The following PITPNM2 variants were observed in gnomAD, a reference collection of about 807,000 sequenced individuals.
PITPNM2 encodes the protein membrane-associated phosphatidylinositol transfer protein 2.
A neutral mutation model predicts 132.2 loss-of-function variants in PITPNM2; 35 were observed. The ratio of observed to expected loss-of-function variants is 0.26; its 90% confidence interval spans 0.20 to 0.35. PITPNM2 has a LOEUF of 0.35. PITPNM2 is among the 10% of genes least tolerant of loss of function. PITPNM2 has a pLI of 1.00. For synonymous variants in PITPNM2, 738 were observed against 799.2 expected, an observed-to-expected ratio of 0.92 and a Z score of 1.29; for missense variants, 1,332 against 1,912.0, an observed-to-expected ratio of 0.70 and a Z score of 5.66.
intron 8 of PITPNM2, among the ~76,000 whole-genome samples, chr12:123,002,298 T>C (rs2038727619): frequency 1.3e-5 from 2 of 152,204 alleles, no homozygotes; most frequent in Non-Finnish European, 2.9e-5. Context: ...ATTGCACCAC[T>C]GCAGTTCAGC....
At chr12:123,026,284 C>T (rs539907760) in intron 3 of PITPNM2, among the ~76,000 whole-genome samples, 3 of 152,184 alleles carry the variant, frequency 2.0e-5, no homozygotes, top group South Asian at 2.1e-4. Flanking sequence ...GGGTCTTTGC[C>T]GATGTAAATG....
intron 2 of PITPNM2, among the ~76,000 whole-genome samples, chr12:123,065,554 G>T (rs1227509727): frequency 6.6e-6 from 1 of 152,238 alleles, no homozygotes; most frequent in African/African-American, 2.4e-5. Flanking sequence ...AGCAGATTAT[G>T]TCTTTTTGAC....
At chr12:122,990,456 G>C in intron 17 of PITPNM2, 89 bp downstream of exon 17, 1 of 1,535,976 alleles carries the variant, frequency 6.5e-7, no homozygotes, top group South Asian at 1.2e-5. Flanking sequence ...TCATCAGCTA[G>C]AAATGCTCCT....
chr12:123,139,804 T>C (rs139761214), intron 1 of PITPNM2, among the ~76,000 whole-genome samples: 118 of 152,312 alleles, frequency 7.7e-4, no homozygotes, highest in African/African-American at 2.8e-3. Flanking sequence ...ACCTCATTGT[T>C]TGCTTTCTGG....
At position 122,993,528 on chromosome 12, in the gene PITPNM2, C is replaced by T. The variant is rs1253662112; in HGVS notation, c.2234-859G>A. ...TCTTTCATGTCAGCACGTCTAGTTT[C>T]TCCTTGCTCTTTTTCAGTGGAGGCG... is the stretch of plus-strand genomic sequence containing the variant. On this transcript the variant is annotated intron_variant, in intron 15 of 25. Transcript: ENST00000320201. The surrounding 1 kb of genome is among the most constrained non-coding windows in gnomAD (Gnocchi z 5.2). Among the ~76,000 whole-genome samples, 1 of 152,228 alleles carries T rather than the reference C, an allele frequency of 6.6e-6. No homozygotes were observed. Among genetic ancestry groups the T allele is most frequent in the Non-Finnish European group, 1.5e-5 (1 of 68,042 alleles).
intron 1 of PITPNM2, among the ~76,000 whole-genome samples, chr12:123,125,757 G>A (rs902634691): frequency 5.8e-5 from 8 of 138,678 alleles, no homozygotes; most frequent in Non-Finnish European, 3.1e-5. Context: ...CAGGAGAATC[G>A]CTTGAACCCC....
intron 2 of PITPNM2, among the ~76,000 whole-genome samples, chr12:123,050,566 G>C (rs887761811): frequency 1.3e-5 from 2 of 152,158 alleles, no homozygotes; most frequent in African/African-American, 4.8e-5. Context: ...ACTCAGAAGG[G>C]AGCAAGCAGG....
chr12:123,063,732 G>A (rs911162482), intron 2 of PITPNM2, among the ~76,000 whole-genome samples: 1 of 152,194 alleles, frequency 6.6e-6, no homozygotes, highest in African/African-American at 2.4e-5. Flanking sequence ...TGGAGGAGGG[G>A]TCACAGCATT....
In PITPNM2 at chr12:123,150,296, C is replaced by T. The variant is rs2043702704; in HGVS notation, c.-200+457G>A. On this transcript the variant is annotated intron_variant, in intron 1 of 25. Coordinates refer to ENST00000320201, the MANE Select transcript of PITPNM2 (RefSeq NM_020845.3). The surrounding 1 kb of genome is among the most constrained non-coding windows in gnomAD (Gnocchi z 6.0). The stretch of plus-strand genomic sequence containing the variant: ...CTGGGCCCCCGACAAGCAGAGGCCA[C>T]GGCCCGGGCCTGGGGACGTTCAGCT... Among the ~76,000 whole-genome samples, 1 of 152,050 alleles carries T rather than the reference C, an allele frequency of 6.6e-6. No homozygotes were observed. Among genetic ancestry groups the T allele is most frequent in the African/African-American group, 2.4e-5 (1 of 41,432 alleles).
intron 1 of PITPNM2, among the ~76,000 whole-genome samples, chr12:123,120,275 C>G (rs528267173): frequency 6.6e-6 from 1 of 152,270 alleles, no homozygotes; most frequent in Admixed American, 6.5e-5. Flanking sequence ...CTTCGACGGC[C>G]CCTCACCTCC....
chr12:123,011,213 T>C (rs1413325493), intron 5 of PITPNM2, among the ~76,000 whole-genome samples: 2 of 152,238 alleles, frequency 1.3e-5, no homozygotes, highest in Non-Finnish European at 2.9e-5. Flanking sequence ...CTTGGCTGCC[T>C]CATTTTCTCC....
chr12:122,987,813 A>C lies in PITPNM2; in HGVS notation c.3086T>G (p.Leu1029Arg), dbSNP rs1372426626. The C allele has an allele frequency of 6.2e-7, 1 of 1,613,976 alleles. No homozygotes were observed. The highest frequency in any genetic ancestry group is 1.7e-5 in the Admixed American group (1 of 60,022). The part of the protein sequence containing the change: ...VLTGRFMYGP[L>R]DMVTLTGEKV... ...CTCCCCAGTCAGGGTGACCATGTCC[A>C]GGGGCCCATACATGAACCTGCCCGT... Residue 1029 changes from leucine (L) to arginine (R), a missense_variant, in exon 21 of 26, where the codon CTG (leucine) becomes CGG (arginine). Physicochemically the swap from Leu to Arg is moderately radical, Grantham distance 102 (BLOSUM62 -2). This residue lies in a region of PITPNM2 where 251 missense variants were observed against 472.0 expected (regional missense o/e 0.53). Coordinates refer to ENST00000320201, the MANE Select transcript of PITPNM2 (RefSeq NM_020845.3).
rs1170580929 is a variant in PITPNM2, at chr12:123,095,456, T to C, written c.-96+14929A>G. ...AGGCTCTGTTAAAGCGCAAAGATCT[T>C]TCAGGTACTCAACAAAGCAAGATGT... On this transcript the variant is annotated intron_variant, in intron 2 of 25. Transcript: ENST00000320201. This position sits in a 1 kb window ranked among gnomAD's most constrained non-coding sequence, Gnocchi z 5.0. 1.3e-5 allele frequency among the ~76,000 whole-genome samples: 2 copies of C among 152,164 alleles called. No individual in the cohort carries two copies. Among genetic ancestry groups the C allele is most frequent in the Admixed American group, 6.5e-5 (1 of 15,280 alleles).
intron 16 of PITPNM2, among the ~76,000 whole-genome samples, chr12:122,991,334 G>T (rs191537211): frequency 2.0e-5 from 3 of 152,210 alleles, no homozygotes; most frequent in Non-Finnish European, 4.4e-5. Context: ...ACCTGGACGG[G>T]GTACAGGAGG....
intron 3 of PITPNM2, among the ~76,000 whole-genome samples, chr12:123,020,728 A>G (rs189826009): frequency 5.9e-5 from 9 of 152,218 alleles, no homozygotes; most frequent in African/African-American, 1.9e-4. Flanking sequence ...GCTGCAGTTG[A>G]AAGTGGTCAG....
chr12:123,132,084 C>T (rs555611033), intron 1 of PITPNM2, among the ~76,000 whole-genome samples: 32 of 152,384 alleles, frequency 2.1e-4, no homozygotes, highest in African/African-American at 7.5e-4. Context: ...CTCGACAGAA[C>T]TGTCTCCCAC....
At chr12:123,151,748 T>A (rs550791914), upstream of PITPNM2, among the ~76,000 whole-genome samples, 3 of 152,334 alleles carry the variant, frequency 2.0e-5, no homozygotes, top group Admixed American at 1.3e-4. Context: ...GTGACATTCC[T>A]TAAAAACATG....
intron 2 of PITPNM2, among the ~76,000 whole-genome samples, chr12:123,042,487 A>AG (rs1202239889): frequency 6.6e-6 from 1 of 152,118 alleles, no homozygotes; most frequent in Admixed American, 6.5e-5. Context: ...TGCAAAGTTA[A>AG]GGGGGGATGG....
intron 2 of PITPNM2, among the ~76,000 whole-genome samples, chr12:123,107,588 G>T (rs924860420): frequency 6.6e-6 from 1 of 152,154 alleles, no homozygotes; most frequent in African/African-American, 2.4e-5. Context: ...AGAGGAGAAG[G>T]AAAGATCTCG....
Sources: allele counts gnomAD v4.1 joint callset (sites outside exome capture counted in the v4.1 genomes callset), GRCh38; gene constraint gnomAD v4.1.1; regional missense constraint gnomAD v4.1.1; non-coding constraint Gnocchi (gnomAD v3.1); transcripts MANE v1.5; gene names NCBI Gene and HGNC (gene_info 2026-07-23, HGNC 2026-07-21).